The following NF1 variants were observed in gnomAD, a reference collection of about 807,000 sequenced individuals.
The protein encoded by NF1 is neurofibromin.
NF1 carries 122 observed loss-of-function variants against 325.7 expected under a neutral mutation model. The observed-to-expected ratio is 0.37, with a 90% CI of 0.32 to 0.44. NF1 has a LOEUF of 0.44. Among genes scored for constraint, NF1 ranks in the 20% least tolerant of loss-of-function variants. NF1 has a pLI of 1.00. For missense variants in NF1, 2,140 were observed against 3,415.4 expected, an observed-to-expected ratio of 0.63 and a Z score of 9.31; for synonymous variants, 1,091 against 1,186.0, an observed-to-expected ratio of 0.92 and a Z score of 1.65.
rs1243547709 is a variant in NF1, at chr17:31,336,026, A to G, written c.6007-307A>G. ...CAAATTACTATTTTATATTGATGCT[A>G]CATTACTGTCTTAGAAAAGCATAGA... On this transcript the variant is annotated intron_variant, in intron 40 of 57. Coordinates refer to ENST00000358273, the MANE Select transcript of NF1 (RefSeq NM_001042492.3). This position sits in a 1 kb window ranked among gnomAD's most constrained non-coding sequence, Gnocchi z 5.5. Among the ~76,000 whole-genome samples, 2 of 152,046 alleles carry G rather than the reference A, an allele frequency of 1.3e-5. No individual in the cohort carries two copies. Among genetic ancestry groups the G allele is most frequent in the Non-Finnish European group, 2.9e-5 (2 of 67,996 alleles).
chr17:31,186,480 A>G (rs1374824519), intron 8 of NF1, among the ~76,000 whole-genome samples: 1 of 152,326 alleles, frequency 6.6e-6, no homozygotes, highest in Admixed American at 6.5e-5. Context: ...AGAAATGGCC[A>G]GATGTGCGAT....
chr17:31,304,102 A>G (rs1336942493), intron 36 of NF1: 6 of 623,924 alleles, frequency 9.6e-6, no homozygotes, highest in Non-Finnish European at 1.6e-5. Context: ...ACTTTTTTTA[A>G]AAAAAAGTTT....
At chr17:31,198,628 TG>T (rs112694618) in intron 8 of NF1, among the ~76,000 whole-genome samples, 3 of 148,916 alleles carry the variant, frequency 2.0e-5, no homozygotes, top group South Asian at 2.2e-4. Context: ...GTTGAGGGGG[TG>T]GGGGGGATAG....
chr17:31,204,138 A>G (rs766529699), intron 11 of NF1, among the ~76,000 whole-genome samples: 17 of 152,100 alleles, frequency 1.1e-4, no homozygotes, highest in African/African-American at 1.4e-4. Context: ...TAATTGGGAA[A>G]TTTAAAAAGT....
At position 31,182,822 on chromosome 17, in the gene NF1, ACATACT is replaced by A. The variant is rs1755866909; in HGVS notation, c.888+163_888+168del. On this transcript the variant is annotated intron_variant, in intron 8 of 57. Transcript: ENST00000358273. ...TCTTTGTTTGATGGACTTAGAAGAG[ACATACT>A]CATACATAATTTTATTTGGCAGAGG... The A allele has an allele frequency of 3.1e-5, 21 of 672,838 alleles. No individual in the cohort carries two copies. The South Asian group carries it at 3.7e-4, about 12-fold the overall frequency. 41.7% of individuals were successfully genotyped at this position (672,838 alleles called of 1,614,324 possible).
At position 31,232,066 on chromosome 17, in the gene NF1, T is replaced by G. The variant is rs2067120590; in HGVS notation, c.3198-7T>G. 1 of 1,410,036 alleles carries G rather than the reference T, an allele frequency of 7.1e-7. No individual in the cohort carries two copies. The highest frequency in any genetic ancestry group is 9.6e-7 in the Non-Finnish European group (1 of 1,041,876). The allele number at this position is 1,410,036 out of a possible 1,614,324, so 87.3% of individuals were successfully genotyped here. A position where few individuals can be genotyped will look rare whatever the true frequency, so the allele number is the denominator to read the frequency against. On this transcript the variant is annotated splice_region_variant and splice_polypyrimidine_tract_variant and intron_variant, in intron 24 of 57. Coordinates refer to ENST00000358273, the MANE Select transcript of NF1 (RefSeq NM_001042492.3). ...AAATTTTTTTTTTTTTTTTTTTTTT[T>G]TTTCAGAGATTTGGACCAGGCAAGC...
At chr17:31,334,785 T>A (rs546813916) in intron 39 of NF1, 53 bp from the exon 40 acceptor site, 1 of 1,381,906 alleles carries the variant, frequency 7.2e-7, no homozygotes, top group East Asian at 2.3e-5. Context: ...GTTAAATAAT[T>A]GTTGATGTGA....
At chr17:31,222,672 C>T (rs1301149264) in intron 15 of NF1, 5 of 287,506 alleles carry the variant, frequency 1.7e-5, no homozygotes, top group Non-Finnish European at 2.2e-5. Flanking sequence ...TTGTTTAACC[C>T]GGTGTATATT....
At chr17:31,162,590 T>A (rs1324055464) in intron 3 of NF1, among the ~76,000 whole-genome samples, 1 of 152,266 alleles carries the variant, frequency 6.6e-6, no homozygotes, top group East Asian at 1.9e-4. Context: ...GGGAATTGTT[T>A]ATTTTTCCTT....
At position 31,125,828 on chromosome 17, in the gene NF1, G is replaced by T. The variant is rs184199421; in HGVS notation, c.61-30155G>T. 4.7e-3 allele frequency among the ~76,000 whole-genome samples: 723 copies of T among 152,248 alleles called. 5 individuals carry two copies. Among genetic ancestry groups the T allele is most frequent in the Non-Finnish European group, 8.7e-3 (593 of 68,032 alleles). On this transcript the variant is annotated intron_variant, in intron 1 of 57. Transcript: ENST00000358273. ...TAGGATTACAGGCGTGAGCCACTGC[G>T]CCTGGCCACCAAATTATTTTTTAAA...
chr17:31,308,290 A>G (rs550128766), intron 36 of NF1, among the ~76,000 whole-genome samples: 4 of 151,932 alleles, frequency 2.6e-5, no homozygotes, highest in African/African-American at 4.8e-5. Context: ...GTAGGCATAC[A>G]CTACCACACC....
chr17:31,098,661 C>A (rs113864163), intron 1 of NF1, among the ~76,000 whole-genome samples: 1 of 151,878 alleles, frequency 6.6e-6, no homozygotes, highest in African/African-American at 2.4e-5. Context: ...TGGCCGGGCG[C>A]GGCGGCTCAC....
chr17:31,195,028 G>A (rs187080937), intron 8 of NF1, among the ~76,000 whole-genome samples: 4 of 151,950 alleles, frequency 2.6e-5, no homozygotes, highest in East Asian at 1.9e-4. Context: ...TCTATGGCCC[G>A]GAATAATTTA....
At chr17:31,346,499 C>CT (rs1362418471) in intron 48 of NF1, among the ~76,000 whole-genome samples, 2 of 150,282 alleles carry the variant, frequency 1.3e-5, no homozygotes, top group Non-Finnish European at 3.0e-5. Flanking sequence ...TTTTTGACAG[C>CT]TGTTGCTGTG....
intron 36 of NF1, among the ~76,000 whole-genome samples, chr17:31,310,217 A>C (rs1007197171): frequency 6.6e-6 from 1 of 152,194 alleles, no homozygotes; most frequent in African/African-American, 2.4e-5. Flanking sequence ...GGAGATTTAG[A>C]ATAATATAAA....
At chr17:31,105,589 A>T (rs1268367411) in intron 1 of NF1, among the ~76,000 whole-genome samples, 1 of 152,028 alleles carries the variant, frequency 6.6e-6, no homozygotes, top group Non-Finnish European at 1.5e-5. Context: ...ATCTGGGCTC[A>T]CTGCAACCTC....
chr17:31,112,620 A>T (rs933977335), intron 1 of NF1, among the ~76,000 whole-genome samples: 1 of 152,234 alleles, frequency 6.6e-6, no homozygotes, highest in African/African-American at 2.4e-5. Flanking sequence ...GCCCATTTTT[A>T]AAAAATTGGG....
chr17:31,111,861 T>C (rs892629949), intron 1 of NF1, among the ~76,000 whole-genome samples: 1 of 152,180 alleles, frequency 6.6e-6, no homozygotes, highest in Non-Finnish European at 1.5e-5. Flanking sequence ...CAAGACCTAT[T>C]GCCTCTTGTT....
chr17:31,103,899 T>TG (rs1319017649), intron 1 of NF1, among the ~76,000 whole-genome samples: 3 of 152,046 alleles, frequency 2.0e-5, no homozygotes, highest in Admixed American at 1.3e-4. Context: ...TAGCCAAGTG[T>TG]GGTAGTATAT....
Sources: allele counts gnomAD v4.1 joint callset (sites outside exome capture counted in the v4.1 genomes callset), GRCh38; gene constraint gnomAD v4.1.1; non-coding constraint Gnocchi (gnomAD v3.1); transcripts MANE v1.5; gene names NCBI Gene and HGNC (gene_info 2026-07-23, HGNC 2026-07-21).